MCTP2: variants seen among roughly 807,000 people sequenced by gnomAD.
MCTP2 encodes the protein multiple C2 and transmembrane domain-containing protein 2.
MCTP2 carries 132 observed loss-of-function variants against 111.6 expected under a neutral mutation model. That is an observed-to-expected ratio of 1.18 (90% CI 1.03 to 1.37). MCTP2 has a LOEUF of 1.37. MCTP2 is among the 40% of genes most tolerant of loss of function. MCTP2 has a pLI of 0.00. For missense variants in MCTP2, 1,183 were observed against 1,067.9 expected (o/e 1.11, Z -1.50); for synonymous variants, 395 against 387.7 (o/e 1.02, Z -0.22).
intron 14 of MCTP2, among the ~76,000 whole-genome samples, chr15:94,392,296 C>T (rs572375248): frequency 4.0e-5 from 6 of 151,050 alleles, no homozygotes; most frequent in East Asian, 2.0e-4. Context: ...GGCGTGAACC[C>T]GGGTGGCGGA....
At position 94,481,541 on chromosome 15, in the gene MCTP2, ATCT is replaced by A. The variant is rs1162152131; in HGVS notation, c.*2510_*2512del. 1 of 152,262 alleles carries A rather than the reference ATCT, an allele frequency of 6.6e-6. No individual in the cohort carries two copies. Among genetic ancestry groups the A allele is most frequent in the Admixed American group, 6.5e-5 (1 of 15,284 alleles). 9.4% of individuals were successfully genotyped at this position (152,262 alleles called of 1,614,324 possible). A position where few individuals can be genotyped will look rare whatever the true frequency, so the allele number is the denominator to read the frequency against. ...ATGCCAGTTACATTATGCCTAGTTA[ATCT>A]TCATTCAGACTGGAAGGACCTGCCC... On this transcript the variant is annotated 3_prime_UTR_variant, in exon 23 of 23. Coordinates refer to ENST00000357742, the MANE Select transcript of MCTP2 (RefSeq NM_001385001.1).
chr15:94,318,733 C>T (rs1299646361), intron 4 of MCTP2, among the ~76,000 whole-genome samples: 4 of 152,122 alleles, frequency 2.6e-5, no homozygotes, highest in African/African-American at 7.2e-5. Context: ...CAGCAGATTC[C>T]GAGTAGATGG....
At chr15:94,367,153 C>A (rs2079226000) in intron 10 of MCTP2, among the ~76,000 whole-genome samples, 2 of 151,364 alleles carry the variant, frequency 1.3e-5, no homozygotes, top group African/African-American at 4.9e-5. Flanking sequence ...TCTCCATTAA[C>A]CCTCTCCCAC....
chr15:94,405,562 C>T lies in MCTP2; in HGVS notation c.2085+3543C>T, dbSNP rs116911378. Among the ~76,000 whole-genome samples, 130 of 152,226 alleles carry T rather than the reference C, an allele frequency of 8.5e-4. 4 individuals are homozygous for T. In the East Asian group the frequency reaches 0.021, roughly 25 times the overall value. ...CCAAGCATCACCTTCCTCTACCATG[C>T]GATTTATCACTGCTACACTTACAGG... On this transcript the variant is annotated intron_variant, in intron 17 of 22. Transcript: ENST00000357742.
chr15:94,269,567 G>C (rs1308775242), intron 1 of MCTP2, among the ~76,000 whole-genome samples: 1 of 152,170 alleles, frequency 6.6e-6, no homozygotes, highest in Non-Finnish European at 1.5e-5. Context: ...CTCGTGGACA[G>C]AGCAGCTTTT....
At chr15:94,248,433 A>G (rs1412130737) in intron 1 of MCTP2, among the ~76,000 whole-genome samples, 1 of 152,136 alleles carries the variant, frequency 6.6e-6, no homozygotes, top group Non-Finnish European at 1.5e-5. Context: ...ACACAAACCA[A>G]GTTGGCTGAA....
intron 1 of MCTP2, among the ~76,000 whole-genome samples, chr15:94,257,861 A>T (rs1011849974): frequency 6.6e-6 from 1 of 150,900 alleles, no homozygotes; most frequent in Non-Finnish European, 1.5e-5. Flanking sequence ...TCAGGATTAC[A>T]GGCGTGAGCC....
chr15:94,319,879 GTCT>G (rs1274055085), intron 4 of MCTP2, among the ~76,000 whole-genome samples: 1 of 152,090 alleles, frequency 6.6e-6, no homozygotes, highest in Non-Finnish European at 1.5e-5. Context: ...ACAATATTTA[GTCT>G]TTATAACGTG....
intron 12 of MCTP2, among the ~76,000 whole-genome samples, chr15:94,375,990 C>G (rs1346114283): frequency 6.6e-6 from 1 of 152,164 alleles, no homozygotes; most frequent in African/African-American, 2.4e-5. Context: ...ATTCATTGAG[C>G]ACCACACTTG....
intron 11 of MCTP2, among the ~76,000 whole-genome samples, chr15:94,369,826 C>T (rs565894064): frequency 1.5e-4 from 23 of 152,170 alleles, no homozygotes; most frequent in Admixed American, 1.1e-3. Flanking sequence ...TCACCAGGGG[C>T]GATGTTAAAA....
chr15:94,422,196 G>T (rs1219026371), intron 17 of MCTP2, among the ~76,000 whole-genome samples: 14 of 152,118 alleles, frequency 9.2e-5, no homozygotes, highest in Admixed American at 9.2e-4. Context: ...AGGAAGCTGT[G>T]TACCTGTCCA....
rs572800766 is a variant in MCTP2, at chr15:94,250,242, C to A, written c.-66+18578C>A. On this transcript the variant is annotated intron_variant, in intron 1 of 22. Transcript: ENST00000357742. ...AAAATGAGTGGCTCGTATTTCTGTT[C>A]CTGGTGTATGTGTGTATCTAAAAAT... Among the ~76,000 whole-genome samples, 16 of 152,094 alleles carry A rather than the reference C, an allele frequency of 1.1e-4. 1 individual carries two copies. In the South Asian group the frequency reaches 2.5e-3, roughly 24 times the overall value.
chr15:94,282,847 C>A (rs2074557985), intron 1 of MCTP2, among the ~76,000 whole-genome samples: 1 of 152,168 alleles, frequency 6.6e-6, no homozygotes, highest in Non-Finnish European at 1.5e-5. Flanking sequence ...ATGCCCTTAT[C>A]ATTGGGGGCT....
At position 94,298,572 on chromosome 15, in the gene MCTP2, T is replaced by C. The variant is rs2152334666; in HGVS notation, c.307T>C (p.Leu103=). ...CTCCTTGAAACAGTCTGAAGAAGAA[T>C]TGGATTGGAGCCAGGAAGAAGCCAG... ...SSSLKQSEEE[L]DWSQEEASHL... Residue 103 remains leucine, a synonymous_variant, in exon 2 of 23, where the codon TTG becomes CTG. Transcript: ENST00000357742. The C allele has an allele frequency of 6.2e-7, 1 of 1,614,030 alleles. No individual in the cohort carries two copies. Among genetic ancestry groups the C allele is most frequent in the Non-Finnish European group, 8.5e-7 (1 of 1,180,010 alleles).
At chr15:94,453,324 C>A (rs2152522156) in intron 19 of MCTP2, among the ~76,000 whole-genome samples, 1 of 152,320 alleles carries the variant, frequency 6.6e-6, no homozygotes, top group African/African-American at 2.4e-5. Context: ...GAGTGACTAA[C>A]ATCCAGCTTT....
intron 19 of MCTP2, among the ~76,000 whole-genome samples, chr15:94,449,617 T>C (rs1451212540): frequency 6.6e-6 from 1 of 152,248 alleles, no homozygotes; most frequent in Non-Finnish European, 1.5e-5. Context: ...CTAGGACTTC[T>C]GCTTTCATCA....
At chr15:94,261,160 A>G (rs972119147) in intron 1 of MCTP2, among the ~76,000 whole-genome samples, 4 of 152,072 alleles carry the variant, frequency 2.6e-5, no homozygotes, top group African/African-American at 7.2e-5. Context: ...GACCAAACCA[A>G]TGTGTATCTT....
At chr15:94,290,644 G>A (rs1356638738) in intron 1 of MCTP2, among the ~76,000 whole-genome samples, 1 of 152,184 alleles carries the variant, frequency 6.6e-6, no homozygotes, top group Non-Finnish European at 1.5e-5. Context: ...CCTAGCTATG[G>A]GCTTTCCATA....
At chr15:94,365,668 T>C (rs1242182324) in intron 10 of MCTP2, among the ~76,000 whole-genome samples, 1 of 152,190 alleles carries the variant, frequency 6.6e-6, no homozygotes, top group East Asian at 1.9e-4. Context: ...AGAAAAATTT[T>C]AGTAGCACTT....
Sources: gnomAD v4.1 joint callset for allele counts (sites outside exome capture counted in the v4.1 genomes callset) on GRCh38, gnomAD v4.1.1 for gene constraint, MANE v1.5 for transcripts, NCBI Gene and HGNC (gene_info 2026-07-23, HGNC 2026-07-21) for gene names.